Variants in GSE1 observed in about 807,000 individuals in gnomAD.
The protein encoded by GSE1 is Gse1 coiled-coil protein.
A neutral mutation model predicts 112.6 loss-of-function variants in GSE1; 32 were observed. That is an observed-to-expected ratio of 0.28 (90% CI 0.21 to 0.38). GSE1 has a LOEUF of 0.38. Among genes scored for constraint, GSE1 ranks in the 10% least tolerant of loss-of-function variants. The pLI is 1.00. For synonymous variants in GSE1, 1,115 were observed against 735.6 expected, an observed-to-expected ratio of 1.52 and a Z score of -8.35; for missense variants, 2,348 against 1,699.2, an observed-to-expected ratio of 1.38 and a Z score of -6.71.
intron 2 of GSE1, among the ~76,000 whole-genome samples, chr16:85,454,722 G>C (rs772310190): frequency 1.1e-4 from 16 of 152,206 alleles, no homozygotes; most frequent in Non-Finnish European, 1.8e-4. Context: ...TTGGCAAGGA[G>C]GCTTGGCACT....
At chr16:85,544,371 T>C (rs1470946857) in intron 2 of GSE1, among the ~76,000 whole-genome samples, 1 of 152,028 alleles carries the variant, frequency 6.6e-6, no homozygotes, top group Non-Finnish European at 1.5e-5. Flanking sequence ...ACATCGAGAA[T>C]TCCCCCATCA....
chr16:85,452,122 T>C (rs966464987), intron 2 of GSE1, among the ~76,000 whole-genome samples: 1 of 152,040 alleles, frequency 6.6e-6, no homozygotes, highest in Non-Finnish European at 1.5e-5. Context: ...GCGCGAATAA[T>C]TGGATTTTAA....
At chr16:85,667,100 C>A (rs921124667) in intron 13 of GSE1, among the ~76,000 whole-genome samples, 11 of 152,256 alleles carry the variant, frequency 7.2e-5, no homozygotes, top group African/African-American at 2.7e-4. Flanking sequence ...GGAGCCAGTT[C>A]TCCATGACAG....
intron 1 of GSE1, among the ~76,000 whole-genome samples, chr16:85,571,475 A>G (rs765763081): frequency 9.2e-5 from 14 of 152,244 alleles, no homozygotes; most frequent in Non-Finnish European, 2.1e-4. Flanking sequence ...ATTGTTCCAG[A>G]AAGTTCCACC....
intron 1 of GSE1, chr16:85,593,295 C>T (rs968446683): frequency 6.6e-6 from 1 of 152,204 alleles, no homozygotes; most frequent in Non-Finnish European, 1.5e-5. Flanking sequence ...CCCGCCCCTC[C>T]CCTCCACAGC....
chr16:85,429,780 C>T (rs1473453880), intron 2 of GSE1, among the ~76,000 whole-genome samples: 1 of 152,234 alleles, frequency 6.6e-6, no homozygotes, highest in African/African-American at 2.4e-5. Context: ...AGCCCCCTTG[C>T]TTCCCGCACA....
chr16:85,413,573 G>A (rs147622809), intron 2 of GSE1, among the ~76,000 whole-genome samples: 11 of 152,266 alleles, frequency 7.2e-5, no homozygotes, highest in African/African-American at 2.6e-4. Flanking sequence ...GTCACGTTAA[G>A]CACACGCTTC....
chr16:85,229,202 C>T lies in GSE1; in HGVS notation c.2283+57395C>T, dbSNP rs1045137561. Among the ~76,000 whole-genome samples, 7 of 152,204 alleles carry T rather than the reference C, an allele frequency of 4.6e-5. No individual in the cohort carries two copies. In the South Asian group the frequency reaches 1.2e-3, roughly 27 times the overall value. On this transcript the variant is annotated intron_variant, in intron 1 of 2. Transcript: ENST00000637419. ...CAGCTGAGATCTGGCGCGGCACCAG[C>T]GGCCTGGCCTGCGGGCGGGTAGGGG... is the stretch of plus-strand genomic sequence containing the variant.
chr16:85,672,164 A>C (rs749203048), intron 15 of GSE1: 17 of 496,544 alleles, frequency 3.4e-5, no homozygotes, highest in Middle Eastern at 5.6e-4. Context: ...ATGCCTGGCT[A>C]ATTTTTTTGT....
chr16:85,654,914 C>T lies in GSE1; in HGVS notation c.720C>T (p.Gly240=), dbSNP rs140173333. The part of the protein sequence containing the change: ...DLRMSSLPPL[G]LDPATAAAYY... Reference sequence around the variant, plus strand: ...GCATGTCCTCACTGCCTCCCCTCGGCCTGGACCCGGCCACTGCTGCAGCCT... The same window carrying T: ...GCATGTCCTCACTGCCTCCCCTCGGTCTGGACCCGGCCACTGCTGCAGCCT... Residue 240 remains glycine (G), a synonymous_variant, in exon 5 of 16, where the codon GGC becomes GGT. Coordinates refer to ENST00000253458, the MANE Select transcript of GSE1 (RefSeq NM_014615.5). 104 of 1,611,578 alleles carry T rather than the reference C, an allele frequency of 6.5e-5. No homozygotes were observed. In the Admixed American group the frequency reaches 6.5e-4, roughly 10 times the overall value.
chr16:85,566,630 G>A lies in GSE1; in HGVS notation c.37+10267G>A, dbSNP rs144992765. Among the ~76,000 whole-genome samples, 300 of 152,310 alleles carry A rather than the reference G, an allele frequency of 2.0e-3. 1 individual carries two copies. In the East Asian group the frequency reaches 0.021, roughly 11 times the overall value. ...GGCCCACAGCCAGTGCCCCGAGGCC[G>A]ATGGCACCTTGTCTCAGACTCTGGG... On this transcript the variant is annotated intron_variant, in intron 1 of 2. Transcript: ENST00000635906.
chr16:85,621,927 C>T (rs1302836050), intron 1 of GSE1, among the ~76,000 whole-genome samples: 2 of 152,200 alleles, frequency 1.3e-5, no homozygotes, highest in East Asian at 1.9e-4. Context: ...TGGACTACTT[C>T]TCATGGCGCA....
At chr16:85,531,629 G>T (rs976013400) in intron 2 of GSE1, among the ~76,000 whole-genome samples, 1 of 152,160 alleles carries the variant, frequency 6.6e-6, no homozygotes. Context: ...GCCCTGCCCC[G>T]GCCCCACACT....
intron 1 of GSE1, among the ~76,000 whole-genome samples, chr16:85,212,893 C>T (rs1318502268): frequency 2.0e-5 from 3 of 152,064 alleles, no homozygotes; most frequent in Admixed American, 6.5e-5. Context: ...TTTGGGAGGC[C>T]GAGGCGGGAA....
At chr16:85,486,462 A>T (rs1472279305) in intron 2 of GSE1, among the ~76,000 whole-genome samples, 1 of 152,216 alleles carries the variant, frequency 6.6e-6, no homozygotes, top group Non-Finnish European at 1.5e-5. Context: ...GGCAGGCATC[A>T]AAAAGACATT....
intron 2 of GSE1, among the ~76,000 whole-genome samples, chr16:85,640,393 G>A (rs565906187): frequency 1.2e-3 from 179 of 152,374 alleles, no homozygotes; most frequent in Admixed American, 3.7e-3. Flanking sequence ...GGACGGGGCC[G>A]ACAGGTGGTG....
intron 1 of GSE1, among the ~76,000 whole-genome samples, chr16:85,254,524 C>T (rs964719520): frequency 6.6e-6 from 1 of 152,220 alleles, no homozygotes; most frequent in Non-Finnish European, 1.5e-5. Context: ...TGGCAATGAG[C>T]GTCATCAATT....
intron 1 of GSE1, among the ~76,000 whole-genome samples, chr16:85,291,424 C>A (rs2045206921): frequency 6.6e-6 from 1 of 152,232 alleles, no homozygotes; most frequent in Admixed American, 6.5e-5. Context: ...TCCTTCTCTT[C>A]CACTGGACCT....
intron 2 of GSE1, among the ~76,000 whole-genome samples, chr16:85,539,349 G>T (rs2044441421): frequency 6.6e-6 from 1 of 152,178 alleles, no homozygotes; most frequent in African/African-American, 2.4e-5. Flanking sequence ...TAGTCAAGGC[G>T]GGCGGCTCTC....
Sources: allele counts gnomAD v4.1 joint callset (sites outside exome capture counted in the v4.1 genomes callset), GRCh38; gene constraint gnomAD v4.1.1; transcripts MANE v1.5; gene names NCBI Gene and HGNC (gene_info 2026-07-23, HGNC 2026-07-21).